DPYD: variants seen among roughly 807,000 people sequenced by gnomAD.
DPYD encodes the protein dihydropyrimidine dehydrogenase, also known as dihydropyrimidine dehydrogenase [NADP(+)].
DPYD carries 109 observed loss-of-function variants against 116.2 expected under a neutral mutation model. That is an observed-to-expected ratio of 0.94 (90% confidence interval 0.80 to 1.10). The LOEUF (loss-of-function observed/expected upper bound fraction) is 1.10, where lower values mean the gene tolerates loss of function less well. Among genes scored for constraint, DPYD ranks in the 50% least tolerant of loss-of-function variants. The probability of loss-of-function intolerance (pLI) is 0.00; values close to 1 mark genes in which losing one functional copy is unlikely to be tolerated. For missense variants in DPYD, 1,302 were observed against 1,254.5 expected, an observed-to-expected ratio of 1.04 and a Z score of -0.57; for synonymous variants, 440 against 432.0, an observed-to-expected ratio of 1.02 and a Z score of -0.23.
At chr1:97,473,601 T>A (rs555982974) in intron 13 of DPYD, among the ~76,000 whole-genome samples, 6 of 152,234 alleles carry the variant, frequency 3.9e-5, no homozygotes, top group Admixed American at 2.0e-4. Context: ...CCCACACCAA[T>A]TTGGATGGCT....
chr1:97,357,253 C>T (rs1480625466), intron 16 of DPYD, among the ~76,000 whole-genome samples: 2 of 151,902 alleles, frequency 1.3e-5, no homozygotes, highest in Non-Finnish European at 2.9e-5. Context: ...TAAATGGATT[C>T]CTTTTGATTT....
chr1:97,538,486 C>T (rs764269224), intron 12 of DPYD, among the ~76,000 whole-genome samples: 1 of 152,120 alleles, frequency 6.6e-6, no homozygotes, highest in Non-Finnish European at 1.5e-5. Flanking sequence ...ATACTTAGTT[C>T]CCTCAACCAC....
chr1:97,546,270 C>T (rs1262920706), intron 12 of DPYD: 7 of 1,461,200 alleles, frequency 4.8e-6, no homozygotes, highest in Non-Finnish European at 6.6e-6. Context: ...AAAAAAGAAA[C>T]CTTTAAAAAA....
chr1:97,363,771 G>A (rs1026123680), intron 16 of DPYD, among the ~76,000 whole-genome samples: 6 of 152,150 alleles, frequency 3.9e-5, no homozygotes, highest in African/African-American at 1.4e-4. Context: ...TTGGACACAG[G>A]ATGGGGAACA....
intron 1 of DPYD, among the ~76,000 whole-genome samples, chr1:97,888,143 T>C (rs903970220): frequency 1.3e-5 from 2 of 152,054 alleles, no homozygotes; most frequent in Non-Finnish European, 2.9e-5. Context: ...AATATCCATA[T>C]ACAGATATAA....
At position 97,692,803 on chromosome 1, in the gene DPYD, T is replaced by C. The variant is rs571915475; in HGVS notation, c.681-1005A>G. Among the ~76,000 whole-genome samples the C allele has an allele frequency of 6.6e-5, 10 of 152,304 alleles. No homozygotes were observed. The South Asian group carries it at 2.1e-3, about 32-fold the overall frequency. On this transcript the variant is annotated intron_variant, in intron 6 of 22. Transcript: ENST00000370192. ...CCATTATATCTTTAATGTGTATATA[T>C]ACATAAAATAGCAATCATATTTTAT...
At chr1:97,161,718 C>T (rs1431898884) in intron 20 of DPYD, among the ~76,000 whole-genome samples, 1 of 104,044 alleles carries the variant, frequency 9.6e-6, no homozygotes, top group Non-Finnish European at 1.9e-5. Context: ...CTATCCCTCC[C>T]CCCTCCCCCC....
At position 97,649,711 on chromosome 1, in the gene DPYD, G is replaced by A. The variant is rs569531454; in HGVS notation, c.850+29384C>T. Among the ~76,000 whole-genome samples, 29 of 152,032 alleles carry A rather than the reference G, an allele frequency of 1.9e-4. No individual in the cohort carries two copies. The South Asian group carries it at 5.6e-3, about 29-fold the overall frequency. On this transcript the variant is annotated intron_variant, in intron 8 of 22. Transcript: ENST00000370192. ...TTAACTTAAATGATAATTAAGACTC[G>A]CATATTTGAAAGTTTAATATAAGAA...
chr1:97,378,104 T>TA (rs1671742375), intron 15 of DPYD, among the ~76,000 whole-genome samples: 1 of 152,198 alleles, frequency 6.6e-6, no homozygotes, highest in Non-Finnish European at 1.5e-5. Flanking sequence ...AAACTGGAGT[T>TA]AAAGTTCTCT....
chr1:97,585,036 C>T lies in DPYD; in HGVS notation c.1128+8182G>A, dbSNP rs945446114. Among the ~76,000 whole-genome samples, 65 of 151,510 alleles carry T rather than the reference C, an allele frequency of 4.3e-4. 1 individual carries two copies. Among genetic ancestry groups the T allele is most frequent in the Admixed American group, 1.8e-3 (27 of 15,184 alleles). On this transcript the variant is annotated intron_variant, in intron 10 of 22. Transcript: ENST00000370192. ...AATAATTTTGAGTTGTATGTACATA[C>T]GTAAAATTATATATTTTGAAAATTT...
intron 12 of DPYD, among the ~76,000 whole-genome samples, chr1:97,518,822 A>G (rs1648425350): frequency 6.6e-6 from 1 of 152,118 alleles, no homozygotes; most frequent in African/African-American, 2.4e-5. Flanking sequence ...ATGATACAGA[A>G]GAAAATAATT....
intron 19 of DPYD, among the ~76,000 whole-genome samples, chr1:97,232,865 A>G (rs1661669296): frequency 6.6e-6 from 1 of 152,182 alleles, no homozygotes; most frequent in South Asian, 2.1e-4. Context: ...AATATCTGAC[A>G]GATAATTATA....
intron 16 of DPYD, among the ~76,000 whole-genome samples, chr1:97,352,285 T>G (rs989945700): frequency 5.3e-5 from 8 of 152,166 alleles, no homozygotes; most frequent in Non-Finnish European, 2.9e-5. Context: ...ATATAAAAGA[T>G]TGAACAAAAC....
At chr1:97,811,879 A>G (rs115924983) in intron 3 of DPYD, among the ~76,000 whole-genome samples, 1,803 of 72,414 alleles carry the variant, frequency 0.025, 34 homozygotes, top group African/African-American at 0.092. Flanking sequence ...CATTAAATAA[A>G]TTAATTTAAA....
At chr1:97,156,747 C>T (rs1655490131) in intron 20 of DPYD, among the ~76,000 whole-genome samples, 1 of 151,870 alleles carries the variant, frequency 6.6e-6, no homozygotes, top group African/African-American at 2.4e-5. Flanking sequence ...TACCATTTGA[C>T]CCAGCCATCC....
intron 18 of DPYD, among the ~76,000 whole-genome samples, chr1:97,274,831 T>A (rs1160085678): frequency 6.6e-6 from 1 of 152,082 alleles, no homozygotes; most frequent in East Asian, 1.9e-4. Flanking sequence ...GGTCTAGGGA[T>A]CAGTTATATG....
At chr1:97,476,547 A>G (rs577988828) in intron 13 of DPYD, among the ~76,000 whole-genome samples, 1 of 152,308 alleles carries the variant, frequency 6.6e-6, no homozygotes, top group African/African-American at 2.4e-5. Flanking sequence ...AGAAATAAGA[A>G]TCTTTGTGAA....
intron 12 of DPYD, among the ~76,000 whole-genome samples, chr1:97,539,330 T>C (rs1209603093): frequency 6.6e-6 from 1 of 152,182 alleles, no homozygotes; most frequent in Non-Finnish European, 1.5e-5. Context: ...TTGATTTTCA[T>C]GGAATGAATC....
intron 8 of DPYD, among the ~76,000 whole-genome samples, chr1:97,637,045 G>T (rs959867362): frequency 6.6e-6 from 1 of 152,138 alleles, no homozygotes; most frequent in Non-Finnish European, 1.5e-5. Context: ...CATTGTTGGA[G>T]CTTTCCCAAT....
Sources: allele counts gnomAD v4.1 joint callset (sites outside exome capture counted in the v4.1 genomes callset), GRCh38; gene constraint gnomAD v4.1.1; transcripts MANE v1.5; gene names NCBI Gene and HGNC (gene_info 2026-07-23, HGNC 2026-07-21).